Variants in SYPL1 observed in about 807,000 individuals in gnomAD.
The protein encoded by SYPL1 is synaptophysin-like protein 1.
SYPL1 carries 6 observed loss-of-function variants against 23.7 expected under a neutral mutation model. That is an observed-to-expected ratio of 0.25 (90% confidence interval 0.14 to 0.50). SYPL1 has a LOEUF of 0.50. SYPL1 is among the 20% of genes least tolerant of loss of function. The pLI is 0.98. For synonymous variants in SYPL1, 102 were observed against 104.5 expected (o/e 0.98, Z 0.15); for missense variants, 253 against 288.9 (o/e 0.88, Z 0.90).
rs1005057668 is a variant in SYPL1 at position 106,104,673 on chromosome 7, G to T, written c.70-5391C>A. Reference sequence around the variant, plus strand: ...AATCTTACATAATTATTATTTTAAAGCTTTTTGTTATAAGGATAGATAAAT... The same window carrying T: ...AATCTTACATAATTATTATTTTAAATCTTTTTGTTATAAGGATAGATAAAT... On this transcript the variant is annotated intron_variant, in intron 1 of 4. Coordinates refer to ENST00000455385, the MANE Select transcript of SYPL1 (RefSeq NM_182715.4). This position sits in a 1 kb window ranked among gnomAD's most constrained non-coding sequence, Gnocchi z 4.1. Among the ~76,000 whole-genome samples the T allele has an allele frequency of 1.3e-5, 2 of 152,108 alleles. No homozygotes were observed. The highest frequency in any genetic ancestry group is 2.9e-5 in the Non-Finnish European group (2 of 68,006).
upstream of SYPL1, chr7:106,112,509 C>G: frequency 2.0e-6 from 3 of 1,524,034 alleles, no homozygotes; most frequent in Non-Finnish European, 2.6e-6. Context: ...GCTGGCGAAC[C>G]AAGTAGATGT....
intron 1 of SYPL1, 88 bp from the exon 2 acceptor site, chr7:106,099,370 A>G: frequency 7.0e-7 from 1 of 1,420,778 alleles, no homozygotes; most frequent in Non-Finnish European, 9.5e-7. Flanking sequence ...CTGTAAGCAC[A>G]CTGATTATTA....
intron 3 of SYPL1, among the ~76,000 whole-genome samples, chr7:106,094,503 A>G (rs930461606): frequency 6.6e-6 from 1 of 152,196 alleles, no homozygotes; most frequent in Non-Finnish European, 1.5e-5. Flanking sequence ...TGTCCTTTTA[A>G]AAACCGTAGC....
chr7:106,094,889 T>A (rs536416231), intron 3 of SYPL1, among the ~76,000 whole-genome samples: 13 of 152,276 alleles, frequency 8.5e-5, no homozygotes, highest in Non-Finnish European at 1.8e-4. Context: ...TAACCTAGGT[T>A]GAAGGAACGT....
intron 2 of SYPL1, 33 bp downstream of exon 2, chr7:106,099,125 A>G (rs1840178802): frequency 6.3e-7 from 1 of 1,583,536 alleles, no homozygotes; most frequent in Non-Finnish European, 8.5e-7. Flanking sequence ...AAGTAAAAAG[A>G]GTTGTGAAAC....
chr7:106,101,273 C>A (rs1280616188), intron 1 of SYPL1, among the ~76,000 whole-genome samples: 1 of 152,168 alleles, frequency 6.6e-6, no homozygotes, highest in Non-Finnish European at 1.5e-5. Flanking sequence ...CAAGGTCACA[C>A]ACACTCAGCA....
Position 106,093,157 on chromosome 7 carries a change from G to A in SYPL1, c.403-20C>T. 6.4e-7 allele frequency: 1 copy of A among 1,555,860 alleles called. No individual in the cohort carries two copies. Among genetic ancestry groups the A allele is most frequent in the South Asian group, 1.2e-5 (1 of 81,704 alleles). ...AAAGTCCTAAAGCAAAAATCAGTAA[G>A]AGTTAATAATGAACAGTTAATTTTA... On this transcript the variant is annotated intron_variant, in intron 3 of 4. Coordinates refer to ENST00000455385, the MANE Select transcript of SYPL1 (RefSeq NM_182715.4).
rs866499103 is a variant in SYPL1 at position 106,100,857 on chromosome 7, A to C, written c.70-1575T>G. Among the ~76,000 whole-genome samples, 1 of 152,166 alleles carries C rather than the reference A, an allele frequency of 6.6e-6. No homozygotes were observed. Among genetic ancestry groups the C allele is most frequent in the Non-Finnish European group, 1.5e-5 (1 of 68,018 alleles). On this transcript the variant is annotated intron_variant, in intron 1 of 4. Coordinates refer to ENST00000455385, the MANE Select transcript of SYPL1 (RefSeq NM_182715.4). The surrounding 1 kb of genome is among the most constrained non-coding windows in gnomAD (Gnocchi z 5.1). ...GCTTTTGAGCTCTCTATGAATAAAAACCAAAGTTCATATAAAGGCCTGCAA... is the reference window on the plus strand; with the variant it reads ...GCTTTTGAGCTCTCTATGAATAAAACCCAAAGTTCATATAAAGGCCTGCAA...
At chr7:106,094,633 G>C (rs960461900) in intron 3 of SYPL1, among the ~76,000 whole-genome samples, 2 of 152,146 alleles carry the variant, frequency 1.3e-5, no homozygotes, top group Admixed American at 6.5e-5. Context: ...CTAAACGCTT[G>C]CTAGAAATAC....
At chr7:106,098,679 A>C (rs1840153593) in intron 2 of SYPL1, among the ~76,000 whole-genome samples, 1 of 152,216 alleles carries the variant, frequency 6.6e-6, no homozygotes, top group Non-Finnish European at 1.5e-5. Context: ...TACTTTAAGA[A>C]AGTGTGGCTT....
At position 106,095,357 on chromosome 7, in the gene SYPL1, T is replaced by G. The variant is rs1839964524; in HGVS notation, c.403-2220A>C. On this transcript the variant is annotated intron_variant, in intron 3 of 4. Transcript: ENST00000455385. The surrounding 1 kb of genome is among the most constrained non-coding windows in gnomAD (Gnocchi z 4.3). The stretch of plus-strand genomic sequence containing the variant: ...GGTATCTCAAAAAAAACCTTTTTTT[T>G]TTTTTCCCCTGAGATGGAGTCTTGC... Among the ~76,000 whole-genome samples the G allele has an allele frequency of 6.6e-6, 1 of 151,794 alleles. No individual in the cohort carries two copies. The highest frequency in any genetic ancestry group is 2.4e-5 in the African/African-American group (1 of 41,198).
At chr7:106,110,514 T>A (rs1287877450) in intron 1 of SYPL1, among the ~76,000 whole-genome samples, 1 of 152,260 alleles carries the variant, frequency 6.6e-6, no homozygotes, top group Non-Finnish European at 1.5e-5. Context: ...AAGACCATGT[T>A]TTATTCATGT....
At position 106,097,976 on chromosome 7, in the gene SYPL1, C is replaced by CA; in HGVS notation, c.195-80dup. ...TTAAGCAAAACAATGAGTGACACTT[C>CA]AAAAAATACTCCCCAAATATATTAA... On this transcript the variant is annotated intron_variant, in intron 2 of 4. Coordinates refer to ENST00000455385, the MANE Select transcript of SYPL1 (RefSeq NM_182715.4). This position sits in a 1 kb window ranked among gnomAD's most constrained non-coding sequence, Gnocchi z 4.6. The CA allele has an allele frequency of 8.9e-7, 1 of 1,123,318 alleles. No individual in the cohort carries two copies. The highest frequency in any genetic ancestry group is 2.5e-5 in the East Asian group (1 of 40,278). 69.6% of individuals were successfully genotyped at this position (1,123,318 alleles called of 1,614,324 possible).
chr7:106,099,101 A>G (rs1840175758), intron 2 of SYPL1, 57 bp downstream of exon 2: 4 of 1,565,230 alleles, frequency 2.6e-6, no homozygotes, highest in Non-Finnish European at 3.4e-6. Context: ...GGAAATCTTA[A>G]TGACTCACTG....
At position 106,109,716 on chromosome 7, in the gene SYPL1, G is replaced by C. The variant is rs1323839722; in HGVS notation, c.69+2424C>G. ...ATGACATTACCTTGAATATGCTAAT[G>C]GCAACGAAGTCAGAAAGACAGCAGT... On this transcript the variant is annotated intron_variant, in intron 1 of 4. Transcript: ENST00000455385. The surrounding 1 kb of genome is among the most constrained non-coding windows in gnomAD (Gnocchi z 4.3). Among the ~76,000 whole-genome samples the C allele has an allele frequency of 6.6e-6, 1 of 152,094 alleles. No homozygotes were observed. The highest frequency in any genetic ancestry group is 1.5e-5 in the Non-Finnish European group (1 of 68,018).
At chr7:106,102,796 G>A (rs1840397045) in intron 1 of SYPL1, among the ~76,000 whole-genome samples, 7 of 152,146 alleles carry the variant, frequency 4.6e-5, no homozygotes, top group Admixed American at 4.6e-4. Flanking sequence ...TACAGCAATA[G>A]ATAACTAATA....
intron 1 of SYPL1, among the ~76,000 whole-genome samples, chr7:106,106,546 T>C (rs6466085): frequency 0.23 from 34,545 of 148,534 alleles, 4,720 homozygotes; most frequent in African/African-American, 0.39. Flanking sequence ...AGTAAGACTC[T>C]GTCTCAAAAA....
In SYPL1 at chr7:106,091,135, A is replaced by G. The variant is rs971037073; in HGVS notation, c.*670T>C. On this transcript the variant is annotated 3_prime_UTR_variant, in exon 5 of 5. Coordinates refer to ENST00000455385, the MANE Select transcript of SYPL1 (RefSeq NM_182715.4). This position sits in a 1 kb window ranked among gnomAD's most constrained non-coding sequence, Gnocchi z 5.0. ...ATAGCAAGCCTATTAAACCACTAGCATAACAGATCATATCTCATGAAACAG... is the reference window on the plus strand; with the variant it reads ...ATAGCAAGCCTATTAAACCACTAGCGTAACAGATCATATCTCATGAAACAG... The G allele has an allele frequency of 6.6e-6, 1 of 152,230 alleles. No homozygotes were observed. The highest frequency in any genetic ancestry group is 2.4e-5 in the African/African-American group (1 of 41,462). The allele number at this position is 152,230 out of a possible 1,614,324, so 9.4% of individuals were successfully genotyped here. A position where few individuals can be genotyped will look rare whatever the true frequency, so the allele number is the denominator to read the frequency against.
In SYPL1 at chr7:106,093,299, C is replaced by CATA. The variant is rs1839854768; in HGVS notation, c.403-163_403-162insTAT. 3 of 604,308 alleles carry CATA rather than the reference C, an allele frequency of 5.0e-6. No individual in the cohort carries two copies. The East Asian group carries it at 8.9e-5, about 18-fold the overall frequency. The allele number at this position is 604,308 out of a possible 1,614,324, so 37.4% of individuals were successfully genotyped here. A position where few individuals can be genotyped will look rare whatever the true frequency, so the allele number is the denominator to read the frequency against. On this transcript the variant is annotated intron_variant, in intron 3 of 4. Transcript: ENST00000455385. ...AAGTCAGTCAGCATAGTAAACATTGCTGTTAGTGTTACAAGCACAGTGCCT... is the reference window on the plus strand; with the variant it reads ...AAGTCAGTCAGCATAGTAAACATTGCATATGTTAGTGTTACAAGCACAGTGCCT...
Sources: allele counts gnomAD v4.1 joint callset (sites outside exome capture counted in the v4.1 genomes callset), GRCh38; gene constraint gnomAD v4.1.1; non-coding constraint Gnocchi (gnomAD v3.1); transcripts MANE v1.5; gene names NCBI Gene and HGNC (gene_info 2026-07-23, HGNC 2026-07-21).